Variants in PAX7 observed in about 807,000 individuals in gnomAD.
PAX7 encodes the protein paired box 7, also known as paired box protein Pax-7.
PAX7 carries 18 observed loss-of-function variants against 50.7 expected under a neutral mutation model. That is an observed-to-expected ratio of 0.36 (90% CI 0.25 to 0.53). The LOEUF is 0.53. Among genes scored for constraint, PAX7 ranks in the 20% least tolerant of loss-of-function variants. The pLI is 0.93. For synonymous variants in PAX7, 310 were observed against 290.4 expected, an observed-to-expected ratio of 1.07 and a Z score of -0.69; for missense variants, 644 against 702.9, an observed-to-expected ratio of 0.92 and a Z score of 0.95.
At chr1:18,733,302 C>T (rs1027747949) in intron 7 of PAX7, among the ~76,000 whole-genome samples, 3 of 152,162 alleles carry the variant, frequency 2.0e-5, no homozygotes, top group South Asian at 2.1e-4. Flanking sequence ...CTCAGAAGCA[C>T]ATTCAACACA....
intron 4 of PAX7, among the ~76,000 whole-genome samples, chr1:18,689,387 G>A (rs2089034624): frequency 6.6e-6 from 1 of 152,276 alleles, no homozygotes. Context: ...AGTGACTGGG[G>A]GGCTGGGTAA....
In PAX7 at chr1:18,636,166, G is replaced by A; in HGVS notation, c.452-71G>A. On this transcript the variant is annotated intron_variant, in intron 3 of 8. Coordinates refer to ENST00000420770, the MANE Select transcript of PAX7 (RefSeq NM_001135254.2). The surrounding 1 kb of genome is among the most constrained non-coding windows in gnomAD (Gnocchi z 5.1). ...CAGGGGGCTTCCTGACTTTCTCCCA[G>A]GGGCCCAGGCCACCGCTCGCTCCTC... 6.5e-7 allele frequency: 1 copy of A among 1,541,164 alleles called. No individual in the cohort carries two copies. Among genetic ancestry groups the A allele is most frequent in the East Asian group, 2.3e-5 (1 of 44,230 alleles).
rs574538588 is a variant in PAX7 at position 18,735,872 on chromosome 1, G to C, written c.1396G>C (p.Gly466Arg). 2.5e-6 allele frequency: 4 copies of C among 1,613,996 alleles called. No individual in the cohort carries two copies. Among genetic ancestry groups the C allele is most frequent in the South Asian group, 1.1e-5 (1 of 91,084 alleles). The part of the protein sequence containing the change: ...PVAGYQYGQY[G>R]QTAVDYLAKN... The stretch of plus-strand genomic sequence containing the variant: ...GGCCGGCTATCAGTACGGCCAGTAC[G>C]GCCAGAGTGAGTGCCTGGTGCCCTG... The change falls in exon 8 of 9, where the codon GGC (glycine) becomes CGC (arginine). Residue 466 changes from glycine (G) to arginine (R), a missense_variant. By Grantham distance (125) the Gly-to-Arg change is moderately radical. Transcript: ENST00000420770. The surrounding 1 kb of genome is among the most constrained non-coding windows in gnomAD (Gnocchi z 4.0).
chr1:18,643,918 C>T (rs2088299946), intron 4 of PAX7, among the ~76,000 whole-genome samples: 1 of 152,220 alleles, frequency 6.6e-6, no homozygotes, highest in South Asian at 2.1e-4. Flanking sequence ...GCGTGCCTGG[C>T]GGTGTTGGGA....
Position 18,703,127 on chromosome 1 carries a change from T to C in PAX7, c.986T>C (p.Leu329Pro). The C allele has an allele frequency of 1.9e-6, 3 of 1,613,986 alleles. No individual in the cohort carries two copies. The highest frequency in any genetic ancestry group is 2.5e-6 in the Non-Finnish European group (3 of 1,179,936). ...GGSTVHRPQP[L>P]PPSTMHQGGL... Reference sequence around the variant, plus strand: ...AGCACTGTGCACCGGCCTCAGCCCCTGCCACCGTCCACCATGCACCAGGGC... The same window carrying C: ...AGCACTGTGCACCGGCCTCAGCCCCCGCCACCGTCCACCATGCACCAGGGC... Residue 329 changes from leucine (L) to proline (P), a missense_variant, in exon 7 of 9, where the codon CTG becomes CCG. Coordinates refer to ENST00000420770, the MANE Select transcript of PAX7 (RefSeq NM_001135254.2).
intron 4 of PAX7, among the ~76,000 whole-genome samples, chr1:18,674,659 C>T (rs2088799623): frequency 6.6e-5 from 10 of 152,210 alleles, no homozygotes; most frequent in Admixed American, 6.5e-4. Flanking sequence ...GGCTTTGGAG[C>T]CACGAGGGGC....
chr1:18,648,387 G>A (rs2088379413), intron 4 of PAX7, among the ~76,000 whole-genome samples: 1 of 147,306 alleles, frequency 6.8e-6, no homozygotes, highest in African/African-American at 2.6e-5. Flanking sequence ...TGTCACCCAG[G>A]CTGGAATGCA....
At chr1:18,728,155 C>T (rs891812245) in intron 7 of PAX7, among the ~76,000 whole-genome samples, 8 of 151,990 alleles carry the variant, frequency 5.3e-5, no homozygotes, top group Admixed American at 2.6e-4. Context: ...GGGTGAAGGG[C>T]GCACAGGTTT....
chr1:18,690,052 T>C (rs777761790), intron 4 of PAX7, among the ~76,000 whole-genome samples: 12 of 152,214 alleles, frequency 7.9e-5, no homozygotes, highest in African/African-American at 2.9e-4. Context: ...CCATCTCTGA[T>C]GCGAGCACAA....
intron 4 of PAX7, among the ~76,000 whole-genome samples, chr1:18,678,745 A>G (rs1042873790): frequency 2.0e-5 from 3 of 152,160 alleles, no homozygotes; most frequent in Non-Finnish European, 4.4e-5. Context: ...TCATGTCTAG[A>G]TTGGGAGGAT....
intron 5 of PAX7, among the ~76,000 whole-genome samples, chr1:18,695,406 G>A (rs2089138391): frequency 6.6e-6 from 1 of 152,108 alleles, no homozygotes; most frequent in Admixed American, 6.6e-5. Flanking sequence ...GGGATTCACT[G>A]GGCAAAAAGC....
chr1:18,691,047 G>T (rs531742129), intron 4 of PAX7, among the ~76,000 whole-genome samples: 1 of 152,260 alleles, frequency 6.6e-6, no homozygotes, highest in South Asian at 2.1e-4. Flanking sequence ...TGGTGTGATT[G>T]GCTTACTATA....
intron 7 of PAX7, among the ~76,000 whole-genome samples, chr1:18,728,249 C>T (rs113760902): frequency 0.012 from 1,860 of 152,060 alleles, 38 homozygotes; most frequent in African/African-American, 0.041. Flanking sequence ...GTGTGCACAT[C>T]GGGGAGGCCG....
At chr1:18,652,377 G>A (rs1017865783) in intron 4 of PAX7, among the ~76,000 whole-genome samples, 34 of 152,128 alleles carry the variant, frequency 2.2e-4, no homozygotes, top group African/African-American at 2.2e-4. Flanking sequence ...GCAAGGTCCC[G>A]GCTGCACAGA....
At position 18,636,401 on chromosome 1, in the gene PAX7, C is replaced by G; in HGVS notation, c.586+30C>G. 6.2e-7 allele frequency: 1 copy of G among 1,605,574 alleles called. No individual in the cohort carries two copies. The highest frequency in any genetic ancestry group is 8.5e-7 in the Non-Finnish European group (1 of 1,174,496). On this transcript the variant is annotated intron_variant, in intron 4 of 8. Transcript: ENST00000420770. This position sits in a 1 kb window ranked among gnomAD's most constrained non-coding sequence, Gnocchi z 5.1. ...GGAACTTCCCTGGGCTGCGAGGCCC[C>G]AGCCCGGGTTTTCCCACGCTCCGGT...
At chr1:18,637,712 G>A (rs1290325219) in intron 4 of PAX7, among the ~76,000 whole-genome samples, 3 of 152,268 alleles carry the variant, frequency 2.0e-5, no homozygotes, top group African/African-American at 7.2e-5. Context: ...GGCGTGGTCC[G>A]AGGAGGAAGG....
intron 7 of PAX7, among the ~76,000 whole-genome samples, chr1:18,716,994 G>T (rs1358676858): frequency 1.3e-5 from 2 of 151,520 alleles, no homozygotes; most frequent in African/African-American, 4.8e-5. Context: ...CCGGAGCGGG[G>T]ATCGGGTCTG....
intron 4 of PAX7, among the ~76,000 whole-genome samples, chr1:18,667,127 T>C (rs772490169): frequency 1.3e-5 from 2 of 152,174 alleles, no homozygotes; most frequent in Admixed American, 6.6e-5. Context: ...TCTCCCTTGC[T>C]CACCAGCTGA....
intron 4 of PAX7, among the ~76,000 whole-genome samples, chr1:18,681,722 T>C (rs922529634): frequency 7.0e-6 from 1 of 143,648 alleles, no homozygotes; most frequent in Non-Finnish European, 1.5e-5. Context: ...TTTATTTTAT[T>C]TTATTTTATT....
Sources: allele counts gnomAD v4.1 joint callset (sites outside exome capture counted in the v4.1 genomes callset), GRCh38; gene constraint gnomAD v4.1.1; non-coding constraint Gnocchi (gnomAD v3.1); transcripts MANE v1.5; gene names NCBI Gene and HGNC (gene_info 2026-07-23, HGNC 2026-07-21).